CHEK1: variants seen among roughly 807,000 people sequenced by gnomAD.
CHEK1 encodes the protein serine/threonine-protein kinase Chk1.
Under a neutral mutation model 60.2 loss-of-function variants are expected in CHEK1, and 32 were observed. That is an observed-to-expected ratio of 0.53 (90% CI 0.40 to 0.71). CHEK1 has a LOEUF of 0.71. Among genes scored for constraint, CHEK1 ranks in the 30% least tolerant of loss-of-function variants. The pLI is 0.00. For missense variants in CHEK1, 399 were observed against 564.6 expected (o/e 0.71, Z 2.97); for synonymous variants, 179 against 187.2 (o/e 0.96, Z 0.36).
Position 125,632,615 on chromosome 11 carries a change from TG to T in CHEK1, c.425-545del, listed in dbSNP as rs571437057. Among the ~76,000 whole-genome samples, 4 of 152,298 alleles carry T rather than the reference TG, an allele frequency of 2.6e-5. No individual in the cohort carries two copies. The East Asian group carries it at 7.7e-4, about 29-fold the overall frequency. On this transcript the variant is annotated intron_variant, in intron 5 of 12. Transcript: ENST00000438015. ...GAAGATGGGAAGTTAGGGTGGAAGT[TG>T]GGTCTTCTGATATTTTTTTTTTGTA...
chr11:125,643,417 C>G (rs577867446), intron 8 of CHEK1: 1 of 155,644 alleles, frequency 6.4e-6, no homozygotes, highest in Non-Finnish European at 1.4e-5. Context: ...GGCGTGAACC[C>G]TGGAGACAGA....
intron 11 of CHEK1, among the ~76,000 whole-genome samples, chr11:125,648,401 T>C (rs1941580149): frequency 6.6e-6 from 1 of 152,024 alleles, no homozygotes; most frequent in Non-Finnish European, 1.5e-5. Context: ...GCCCACATAG[T>C]GAAACCCCGT....
At chr11:125,677,899 C>T (rs138027533), downstream of CHEK1, 855 of 1,613,948 alleles carry the variant, frequency 5.3e-4, 3 homozygotes, top group Middle Eastern at 2.0e-3. Flanking sequence ...GGCTGTTCAC[C>T]GGAGCCATGT....
intron 11 of CHEK1, among the ~76,000 whole-genome samples, chr11:125,651,200 C>T (rs979503896): frequency 2.0e-5 from 3 of 151,906 alleles, no homozygotes; most frequent in African/African-American, 7.3e-5. Flanking sequence ...AAGCATTTTC[C>T]TGTAAGTGTT....
intron 12 of CHEK1, among the ~76,000 whole-genome samples, chr11:125,654,490 TATTTC>T (rs1444628626): frequency 3.3e-5 from 5 of 152,220 alleles, no homozygotes; most frequent in Non-Finnish European, 7.3e-5. Context: ...TTGTTACAAA[TATTTC>T]ATTATAATTT....
At chr11:125,670,977 G>A (rs1013012794) in intron 13 of CHEK1, among the ~76,000 whole-genome samples, 2 of 151,768 alleles carry the variant, frequency 1.3e-5, no homozygotes, top group African/African-American at 4.8e-5. Context: ...TCACTATGTT[G>A]CCCAGGCTGT....
At chr11:125,657,694 A>C (rs1285812594), downstream of CHEK1, among the ~76,000 whole-genome samples, 1 of 152,194 alleles carries the variant, frequency 6.6e-6, no homozygotes, top group Non-Finnish European at 1.5e-5. Context: ...ATTTTTATAT[A>C]GGATGTATTT....
chr11:125,660,858 C>T (rs995829595), downstream of CHEK1, among the ~76,000 whole-genome samples: 1 of 152,070 alleles, frequency 6.6e-6, no homozygotes, highest in Non-Finnish European at 1.5e-5. Context: ...TCACTGCAAC[C>T]TCCGCCTCCT....
intron 13 of CHEK1, among the ~76,000 whole-genome samples, chr11:125,665,869 C>CTTTTTTTTTTT (rs66560397): frequency 8.2e-4 from 25 of 30,524 alleles, no homozygotes; most frequent in African/African-American, 1.7e-3. Flanking sequence ...CTTCATTCCC[C>CTTTTTTTTTTT]TTTTTTTTTT....
At chr11:125,679,540 C>A (rs183398926), downstream of CHEK1, among the ~76,000 whole-genome samples, 1 of 152,152 alleles carries the variant, frequency 6.6e-6, no homozygotes, top group Middle Eastern at 3.2e-3. Flanking sequence ...CATTGACTGT[C>A]AGACAAATAT....
At chr11:125,659,122 A>AT (rs1021280471), downstream of CHEK1, among the ~76,000 whole-genome samples, 1 of 151,634 alleles carries the variant, frequency 6.6e-6, no homozygotes, top group African/African-American at 2.4e-5. Context: ...AAAGATCATT[A>AT]TTTTTTTTCA....
chr11:125,657,187 T>TTGTGTG (rs3831425), downstream of CHEK1: 23,932 of 147,056 alleles, frequency 0.16, 2,164 homozygotes, highest in African/African-American at 0.19. Flanking sequence ...CAACCTATGC[T>TTGTGTG]TGTGTGTGTG....
At chr11:125,627,514 AG>A (rs1940669955) in intron 2 of CHEK1, 92 bp from the exon 3 acceptor site, 3 of 988,722 alleles carry the variant, frequency 3.0e-6, no homozygotes, top group Non-Finnish European at 4.4e-6. Flanking sequence ...AAAAAGTAAT[AG>A]AGGTAAAATC....
At chr11:125,661,300 AT>A (rs572702633), downstream of CHEK1, among the ~76,000 whole-genome samples, 29 of 151,224 alleles carry the variant, frequency 1.9e-4, no homozygotes, top group South Asian at 5.6e-3. Context: ...GCCTTAAAAA[AT>A]TTTTTTTCTT....
downstream of CHEK1, among the ~76,000 whole-genome samples, chr11:125,679,791 C>T (rs941158736): frequency 6.6e-6 from 1 of 152,170 alleles, no homozygotes; most frequent in African/African-American, 2.4e-5. Context: ...GCAGTACTTA[C>T]AATCAGTGAC....
At chr11:125,672,633 A>G in intron 13 of CHEK1, 3 of 1,614,148 alleles carry the variant, frequency 1.9e-6, no homozygotes, top group Non-Finnish European at 1.7e-6. Context: ...ACAGCATATA[A>G]TTTGCATCCT....
intron 1 of CHEK1, chr11:125,626,260 T>C: frequency 1.9e-6 from 1 of 533,294 alleles, no homozygotes; most frequent in South Asian, 2.6e-5. Flanking sequence ...CAGCCCTTCC[T>C]TTCGCCTCTG....
Position 125,643,821 on chromosome 11 carries a change from G to A in CHEK1, c.844G>A (p.Gly282Ser), listed in dbSNP as rs748276359. ...GAKRPRVTSG[G>S]VSESPSGFSK... ...AAAAAGGCCCCGAGTCACTTCAGGT[G>A]GTGTGTCAGAGTCTCCCAGTGGATT... Residue 282 changes from glycine to serine, a missense_variant, in exon 9 of 13, where the codon GGT becomes AGT. By Grantham distance (56) the Gly-to-Ser change is moderately conservative. This residue lies in a region of CHEK1 where 370 missense variants were observed against 494.8 expected (regional missense o/e 0.75). Transcript: ENST00000438015. 2 of 1,614,028 alleles carry A rather than the reference G, an allele frequency of 1.2e-6. No individual in the cohort carries two copies. The highest frequency in any genetic ancestry group is 1.7e-6 in the Non-Finnish European group (2 of 1,180,000).
Position 125,676,048 on chromosome 11 carries a change from C to T in CHEK1, c.*148C>T. 5 of 229,364 alleles carry T rather than the reference C, an allele frequency of 2.2e-5. No individual in the cohort carries two copies. The South Asian group carries it at 4.1e-4, about 19-fold the overall frequency. 14.2% of individuals were successfully genotyped at this position (229,364 alleles called of 1,614,324 possible). A position where few individuals can be genotyped will look rare whatever the true frequency, so the allele number is the denominator to read the frequency against. ...TCAGCCTTCCAAGTAGCTGGGATTA[C>T]AGGTGCCCACCACCACACCTGGCTA... On this transcript the variant is annotated 3_prime_UTR_variant, in exon 14 of 14. Coordinates refer to the CHEK1 transcript ENST00000428830.
Sources: allele counts gnomAD v4.1 joint callset (sites outside exome capture counted in the v4.1 genomes callset), GRCh38; gene constraint gnomAD v4.1.1; regional missense constraint gnomAD v4.1.1; transcripts MANE v1.5; gene names NCBI Gene and HGNC (gene_info 2026-07-23, HGNC 2026-07-21).